The following MTMR12 variants were observed in gnomAD, a reference collection of about 807,000 sequenced individuals.
MTMR12 encodes myotubularin related protein 12.
Under a neutral mutation model 96.7 loss-of-function variants are expected in MTMR12, and 33 were observed. That is an observed-to-expected ratio of 0.34 (90% CI 0.26 to 0.46). The LOEUF is 0.46. Among genes scored for constraint, MTMR12 ranks in the 20% least tolerant of loss-of-function variants. MTMR12 has a pLI of 1.00. For missense variants in MTMR12, 721 were observed against 896.1 expected (o/e 0.80, Z 2.49); for synonymous variants, 298 against 327.2 (o/e 0.91, Z 0.96).
At chr5:32,262,628 A>C (rs1048248473) in intron 7 of MTMR12, among the ~76,000 whole-genome samples, 1 of 152,106 alleles carries the variant, frequency 6.6e-6, no homozygotes, top group East Asian at 1.9e-4. Flanking sequence ...AAAAACAAAA[A>C]CAAAAAACCA....
intron 1 of MTMR12, among the ~76,000 whole-genome samples, chr5:32,277,004 G>A (rs1750082216): frequency 7.1e-6 from 1 of 141,664 alleles, no homozygotes; most frequent in Non-Finnish European, 1.5e-5. Context: ...TCCTGTCTCA[G>A]CCTCCCAAGT....
At chr5:32,254,519 A>C (rs1373915733) in intron 8 of MTMR12, among the ~76,000 whole-genome samples, 1 of 152,196 alleles carries the variant, frequency 6.6e-6, no homozygotes, top group African/African-American at 2.4e-5. Flanking sequence ...TAAACATCTG[A>C]ATCAGTGGCA....
intron 10 of MTMR12, chr5:32,247,760 G>A (rs1748749275): frequency 1.0e-6 from 1 of 985,272 alleles, no homozygotes; most frequent in African/African-American, 1.7e-5. Flanking sequence ...CTGAGGAAGG[G>A]GAGAAGAGGA....
At chr5:32,308,433 C>T (rs959100179) in intron 1 of MTMR12, among the ~76,000 whole-genome samples, 17 of 152,092 alleles carry the variant, frequency 1.1e-4, no homozygotes, top group Admixed American at 3.3e-4. Context: ...GAAGAGTGTC[C>T]TGAGGAACTC....
intron 1 of MTMR12, among the ~76,000 whole-genome samples, chr5:32,290,419 C>A (rs1340080191): frequency 6.6e-6 from 1 of 152,046 alleles, no homozygotes; most frequent in Non-Finnish European, 1.5e-5. Flanking sequence ...GGAACTTCTA[C>A]CTCAGTAAAA....
rs114933783 is a variant in MTMR12 at position 32,304,294 on chromosome 5, T to A, written c.81+8464A>T. Among the ~76,000 whole-genome samples, 795 of 151,204 alleles carry A rather than the reference T, an allele frequency of 5.3e-3. 2 individuals carry two copies. The highest frequency in any genetic ancestry group is 0.019 in the African/African-American group (762 of 41,090). The stretch of plus-strand genomic sequence containing the variant: ...AAGATCGCGCCATTACACCTCAGCC[T>A]GGGAGACAGAGTGAGACTCCGTCTC... On this transcript the variant is annotated intron_variant, in intron 1 of 15. Coordinates refer to ENST00000382142, the MANE Select transcript of MTMR12 (RefSeq NM_001040446.3).
At chr5:32,247,917 G>A (rs368087554) in intron 10 of MTMR12, 85 bp downstream of exon 10, 22 of 1,532,864 alleles carry the variant, frequency 1.4e-5, no homozygotes, top group Admixed American at 1.8e-5. Flanking sequence ...AAGGAACCCA[G>A]GGAAAAGGCA....
chr5:32,283,148 A>G (rs899235135), intron 1 of MTMR12, among the ~76,000 whole-genome samples: 54 of 152,124 alleles, frequency 3.5e-4, no homozygotes, highest in Non-Finnish European at 1.0e-4. Context: ...TCATTGGCAA[A>G]TTTGTTGGGT....
chr5:32,306,722 C>T (rs960253495), intron 1 of MTMR12, among the ~76,000 whole-genome samples: 7 of 152,062 alleles, frequency 4.6e-5, no homozygotes, highest in African/African-American at 1.4e-4. Flanking sequence ...ACACTGTGTC[C>T]GTGGGCAAGA....
intron 7 of MTMR12, 190 bp from the exon 8 acceptor site, chr5:32,255,958 G>A: frequency 5.0e-6 from 2 of 400,072 alleles, no homozygotes; most frequent in East Asian, 4.4e-5. Flanking sequence ...AAATCAGTGG[G>A]GAATCTAAGT....
At chr5:32,294,158 C>G (rs929156747) in intron 1 of MTMR12, among the ~76,000 whole-genome samples, 4 of 152,330 alleles carry the variant, frequency 2.6e-5, no homozygotes, top group Admixed American at 2.6e-4. Context: ...GTCCATCCAA[C>G]TCACTGTCAA....
At chr5:32,300,628 C>T (rs1216315870) in intron 1 of MTMR12, among the ~76,000 whole-genome samples, 1 of 152,154 alleles carries the variant, frequency 6.6e-6, no homozygotes, top group East Asian at 1.9e-4. Context: ...ATACTTACTG[C>T]GCTCCTCAGG....
chr5:32,306,595 T>C (rs1335685909), intron 1 of MTMR12, among the ~76,000 whole-genome samples: 3 of 152,190 alleles, frequency 2.0e-5, no homozygotes, highest in African/African-American at 7.2e-5. Flanking sequence ...TCAATCTTCA[T>C]CTCTCTTGAC....
At chr5:32,262,993 G>T (rs61418287) in intron 7 of MTMR12, 120 bp downstream of exon 7, 495,851 of 1,272,888 alleles carry the variant, frequency 0.39, 100,019 homozygotes, top group African/African-American at 0.6. Flanking sequence ...CTTTTTGGGA[G>T]GATGAAAATG....
intron 7 of MTMR12, among the ~76,000 whole-genome samples, chr5:32,257,326 A>C (rs1397747524): frequency 6.6e-6 from 1 of 152,232 alleles, no homozygotes; most frequent in Non-Finnish European, 1.5e-5. Context: ...ATTAAAATTA[A>C]AACAAGATAA....
intron 13 of MTMR12, 100 bp from the exon 14 acceptor site, chr5:32,235,229 C>G: frequency 9.3e-7 from 1 of 1,079,896 alleles, no homozygotes; most frequent in Non-Finnish European, 1.3e-6. Context: ...ATAAGCACTT[C>G]TGAGGACTTC....
chr5:32,243,286 G>GT (rs906018040), intron 11 of MTMR12, among the ~76,000 whole-genome samples: 2 of 152,214 alleles, frequency 1.3e-5, no homozygotes, highest in African/African-American at 4.8e-5. Flanking sequence ...CTCTTTCTGT[G>GT]TTTTTTCAAT....
chr5:32,294,020 C>A (rs1299366947), intron 1 of MTMR12, among the ~76,000 whole-genome samples: 3 of 152,186 alleles, frequency 2.0e-5, no homozygotes, highest in Admixed American at 6.5e-5. Context: ...TCTATCCATT[C>A]CTGTTGTCGC....
intron 1 of MTMR12, among the ~76,000 whole-genome samples, chr5:32,292,842 C>T (rs1409963501): frequency 6.6e-6 from 1 of 152,228 alleles, no homozygotes; most frequent in African/African-American, 2.4e-5. Context: ...GTCATCAATA[C>T]CAGCTACGAC....
Sources: gnomAD v4.1 joint callset for allele counts (sites outside exome capture counted in the v4.1 genomes callset) on GRCh38, gnomAD v4.1.1 for gene constraint, MANE v1.5 for transcripts, NCBI Gene and HGNC (gene_info 2026-07-23, HGNC 2026-07-21) for gene names.